Variants in FOXO1 observed in about 807,000 individuals in gnomAD.
FOXO1 encodes the protein forkhead box protein O1.
A neutral mutation model predicts 44.1 loss-of-function variants in FOXO1; 6 were observed. The observed-to-expected ratio is 0.14, with a 90% CI of 0.07 to 0.27. FOXO1 has a LOEUF of 0.27. Among genes scored for constraint, FOXO1 ranks in the 10% least tolerant of loss-of-function variants. FOXO1 has a pLI of 1.00. For synonymous variants in FOXO1, 380 were observed against 362.7 expected (o/e 1.05, Z -0.54); for missense variants, 737 against 888.8 (o/e 0.83, Z 2.17).
At chr13:40,630,825 C>A (rs535781467) in intron 1 of FOXO1, among the ~76,000 whole-genome samples, 5 of 152,182 alleles carry the variant, frequency 3.3e-5, no homozygotes, top group Admixed American at 6.5e-5. Context: ...TTTTTAATTT[C>A]TTAAATGGGA....
chr13:40,627,706 G>A (rs926068094), intron 1 of FOXO1, among the ~76,000 whole-genome samples: 2 of 151,870 alleles, frequency 1.3e-5, no homozygotes, highest in African/African-American at 2.4e-5. Flanking sequence ...GGTGGCAGGC[G>A]TCTGTAATCC....
Position 40,603,353 on chromosome 13 carries a change from C to CAA in FOXO1, c.631-42495_631-42494dup, listed in dbSNP as rs60741629. Among the ~76,000 whole-genome samples the CAA allele has an allele frequency of 1.2e-3, 90 of 73,886 alleles. 1 individual carries two copies. Among genetic ancestry groups the CAA allele is most frequent in the East Asian group, 8.6e-3 (26 of 3,018 alleles). 48.5% of individuals were successfully genotyped at this position (73,886 alleles called of 152,430 possible). On this transcript the variant is annotated intron_variant, in intron 1 of 2. Coordinates refer to ENST00000379561, the MANE Select transcript of FOXO1 (RefSeq NM_002015.4). ...GGAGACCCTAGTTGGCAGATGAATC[C>CAA]AAAAAAAAAAAAAAAAAAAAAGGTT...
chr13:40,571,279 A>T (rs954802262), intron 1 of FOXO1, among the ~76,000 whole-genome samples: 1 of 152,140 alleles, frequency 6.6e-6, no homozygotes, highest in Non-Finnish European at 1.5e-5. Context: ...GTAAATGACG[A>T]GTAAATGGGT....
Position 40,620,167 on chromosome 13 carries a change from G to A in FOXO1, c.630+45416C>T, listed in dbSNP as rs141133239. The A allele has an allele frequency of 3.8e-3, 5,779 of 1,526,314 alleles. 308 individuals carry two copies. The Admixed American group carries it at 0.088, about 23-fold the overall frequency. 94.5% of individuals were successfully genotyped at this position (1,526,314 alleles called of 1,614,324 possible). A position where few individuals can be genotyped will look rare whatever the true frequency, so the allele number is the denominator to read the frequency against. On this transcript the variant is annotated intron_variant, in intron 1 of 2. Transcript: ENST00000379561. The stretch of plus-strand genomic sequence containing the variant: ...AAGACTTATGTCAAGAATAACAGTA[G>A]AAGAAGAATCCAGCAGATCCTCAAC...
chr13:40,601,328 T>C (rs1875807897), intron 1 of FOXO1, among the ~76,000 whole-genome samples: 1 of 152,224 alleles, frequency 6.6e-6, no homozygotes, highest in Non-Finnish European at 1.5e-5. Flanking sequence ...CTGTTAATAG[T>C]ATTTTACATT....
chr13:40,589,273 T>C (rs541733173), intron 1 of FOXO1, among the ~76,000 whole-genome samples: 21 of 152,244 alleles, frequency 1.4e-4, no homozygotes, highest in Admixed American at 2.6e-4. Flanking sequence ...AATCCAATTC[T>C]TGCCAATTCT....
intron 1 of FOXO1, among the ~76,000 whole-genome samples, chr13:40,591,175 C>CA (rs113977656): frequency 7.3e-5 from 11 of 151,336 alleles, no homozygotes; most frequent in African/African-American, 9.7e-5. Context: ...CTCTTCCTGC[C>CA]AAAAAAAATA....
At chr13:40,628,132 A>G (rs1876846073) in intron 1 of FOXO1, among the ~76,000 whole-genome samples, 1 of 152,140 alleles carries the variant, frequency 6.6e-6, no homozygotes, top group South Asian at 2.1e-4. Context: ...GGTACATAAA[A>G]GTTTTTTTTT....
intron 1 of FOXO1, among the ~76,000 whole-genome samples, chr13:40,602,910 T>C (rs1305132049): frequency 6.6e-6 from 1 of 152,130 alleles, no homozygotes; most frequent in Non-Finnish European, 1.5e-5. Flanking sequence ...TACACTACCA[T>C]AAAATTAGTA....
chr13:40,631,587 G>T (rs1416010331), intron 1 of FOXO1, among the ~76,000 whole-genome samples: 1 of 152,224 alleles, frequency 6.6e-6, no homozygotes, highest in East Asian at 1.9e-4. Flanking sequence ...TAAACAAAAT[G>T]TGATATATAC....
chr13:40,578,824 G>A (rs989332303), intron 1 of FOXO1, among the ~76,000 whole-genome samples: 1 of 152,178 alleles, frequency 6.6e-6, no homozygotes, highest in Non-Finnish European at 1.5e-5. Flanking sequence ...TGTTCCCTTA[G>A]ACTTTGTTTT....
intron 1 of FOXO1, among the ~76,000 whole-genome samples, chr13:40,576,645 C>A (rs1183509442): frequency 6.6e-6 from 1 of 152,192 alleles, no homozygotes; most frequent in East Asian, 1.9e-4. Flanking sequence ...CTGTCTCCCT[C>A]GCTGAAAATG....
At position 40,654,322 on chromosome 13, in the gene FOXO1, TAA is replaced by T. The variant is rs11344939; in HGVS notation, c.630+11259_630+11260del. Among the ~76,000 whole-genome samples, 306 of 48,140 alleles carry T rather than the reference TAA, an allele frequency of 6.4e-3. 4 individuals are homozygous for T. Among genetic ancestry groups the T allele is most frequent in the African/African-American group, 0.017 (260 of 15,004 alleles). 31.6% of individuals were successfully genotyped at this position (48,140 alleles called of 152,430 possible). A position where few individuals can be genotyped will look rare whatever the true frequency, so the allele number is the denominator to read the frequency against. On this transcript the variant is annotated intron_variant, in intron 1 of 2. Transcript: ENST00000379561. ...GAAACCTCATCTCTACTAAAAATAC[TAA>T]AAAAAAAAAAAAAAAAAAAAAAAAA...
chr13:40,647,440 T>C (rs1877546100), intron 1 of FOXO1, among the ~76,000 whole-genome samples: 1 of 152,168 alleles, frequency 6.6e-6, no homozygotes, highest in Non-Finnish European at 1.5e-5. Context: ...AATCTTGCTC[T>C]GTCACCTAGG....
At chr13:40,652,916 T>C (rs769893276) in intron 1 of FOXO1, among the ~76,000 whole-genome samples, 8 of 152,180 alleles carry the variant, frequency 5.3e-5, no homozygotes, top group Non-Finnish European at 7.4e-5. Context: ...GGGAATTAGG[T>C]GATTCAATTA....
chr13:40,641,560 G>A (rs967397152), intron 1 of FOXO1, among the ~76,000 whole-genome samples: 2 of 152,036 alleles, frequency 1.3e-5, no homozygotes, highest in African/African-American at 4.8e-5. Context: ...TTATTTAGCC[G>A]TTAATTTTAT....
chr13:40,607,313 G>A (rs1017992389), intron 1 of FOXO1, among the ~76,000 whole-genome samples: 64 of 152,240 alleles, frequency 4.2e-4, no homozygotes, highest in African/African-American at 1.5e-3. Context: ...AAATGTCTAT[G>A]TCAATCTTGC....
chr13:40,638,783 G>A (rs1461570016), intron 1 of FOXO1, among the ~76,000 whole-genome samples: 1 of 152,116 alleles, frequency 6.6e-6, no homozygotes, highest in Non-Finnish European at 1.5e-5. Context: ...CAGAAGGATG[G>A]GCACTGTATT....
chr13:40,624,364 C>CAAAGAG (rs1876718231), intron 1 of FOXO1, among the ~76,000 whole-genome samples: 1 of 134,838 alleles, frequency 7.4e-6, no homozygotes, highest in Non-Finnish European at 1.6e-5. Flanking sequence ...TTCCTAAGAG[C>CAAAGAG]AAAGAGAAAT....
Sources: gnomAD v4.1 joint callset for allele counts (sites outside exome capture counted in the v4.1 genomes callset) on GRCh38, gnomAD v4.1.1 for gene constraint, MANE v1.5 for transcripts, NCBI Gene and HGNC (gene_info 2026-07-23, HGNC 2026-07-21) for gene names.